MAGI2: variants seen among roughly 807,000 people sequenced by gnomAD.
MAGI2 encodes the protein membrane associated guanylate kinase, WW and PDZ domain containing 2.
Under a neutral mutation model 133.3 loss-of-function variants are expected in MAGI2, and 35 were observed. The ratio of observed to expected loss-of-function variants is 0.26; its 90% confidence interval spans 0.20 to 0.35. The LOEUF is 0.35. Ranked by LOEUF, MAGI2 falls within the 10% of genes least tolerant of loss-of-function variation. MAGI2 has a pLI of 1.00. For missense variants in MAGI2, 1,636 were observed against 1,863.4 expected, an observed-to-expected ratio of 0.88 and a Z score of 2.25; for synonymous variants, 729 against 710.6, an observed-to-expected ratio of 1.03 and a Z score of -0.41.
chr7:78,706,348 T>C (rs919198450), intron 2 of MAGI2, among the ~76,000 whole-genome samples: 5 of 151,620 alleles, frequency 3.3e-5, no homozygotes, highest in African/African-American at 9.7e-5. Context: ...CACCATCATA[T>C]AAGAAGTGCC....
chr7:79,320,716 T>G (rs544949056), intron 1 of MAGI2, among the ~76,000 whole-genome samples: 286 of 152,250 alleles, frequency 1.9e-3, no homozygotes, highest in African/African-American at 6.6e-3. Flanking sequence ...CTTTATTTAT[T>G]CTTTATTTTT....
At chr7:78,988,272 T>C (rs2116285173) in intron 2 of MAGI2, among the ~76,000 whole-genome samples, 1 of 152,172 alleles carries the variant, frequency 6.6e-6, no homozygotes, top group South Asian at 2.1e-4. Flanking sequence ...ACACATGATA[T>C]ATGTTGAGGT....
chr7:78,024,296 T>G (rs1397515025), intron 21 of MAGI2, among the ~76,000 whole-genome samples: 1 of 152,234 alleles, frequency 6.6e-6, no homozygotes, highest in Non-Finnish European at 1.5e-5. Flanking sequence ...GTTTTCATTA[T>G]TCATGTAGCT....
At chr7:78,733,429 T>TAG (rs1821558000) in intron 2 of MAGI2, among the ~76,000 whole-genome samples, 1 of 152,184 alleles carries the variant, frequency 6.6e-6, no homozygotes, top group East Asian at 1.9e-4. Flanking sequence ...ATATTTACAA[T>TAG]TGTGTGGACA....
At chr7:78,452,039 T>C (rs1362271831) in intron 6 of MAGI2, among the ~76,000 whole-genome samples, 1 of 152,082 alleles carries the variant, frequency 6.6e-6, no homozygotes, top group Non-Finnish European at 1.5e-5. Context: ...TGTAACAATA[T>C]CTTTGTAATA....
At chr7:79,311,947 T>C (rs1256809568) in intron 1 of MAGI2, among the ~76,000 whole-genome samples, 1 of 152,172 alleles carries the variant, frequency 6.6e-6, no homozygotes, top group Non-Finnish European at 1.5e-5. Flanking sequence ...AAAATTTGTA[T>C]ATCCAGAATA....
intron 3 of MAGI2, among the ~76,000 whole-genome samples, chr7:78,608,449 G>A (rs1806064957): frequency 2.7e-5 from 4 of 148,914 alleles, no homozygotes; most frequent in African/African-American, 1.0e-4. Context: ...ATATATATAT[G>A]TATATATATA....
At chr7:78,090,135 C>T (rs1297620070) in intron 20 of MAGI2, among the ~76,000 whole-genome samples, 1 of 152,172 alleles carries the variant, frequency 6.6e-6, no homozygotes, top group African/African-American at 2.4e-5. Flanking sequence ...AGGCTCTGCT[C>T]AAATCCTCCA....
chr7:79,301,655 C>T (rs1585488812), intron 1 of MAGI2, among the ~76,000 whole-genome samples: 1 of 152,138 alleles, frequency 6.6e-6, no homozygotes, highest in African/African-American at 2.4e-5. Flanking sequence ...CAAGCTAAGA[C>T]TTTGAGGAGC....
At chr7:78,271,545 G>T (rs1173519694) in intron 9 of MAGI2, among the ~76,000 whole-genome samples, 3 of 152,186 alleles carry the variant, frequency 2.0e-5, no homozygotes, top group Non-Finnish European at 4.4e-5. Flanking sequence ...GATCCTCTTT[G>T]TAGCTCTGGT....
At chr7:78,460,776 C>G (rs1345816048) in intron 6 of MAGI2, among the ~76,000 whole-genome samples, 1 of 152,198 alleles carries the variant, frequency 6.6e-6, no homozygotes, top group East Asian at 1.9e-4. Flanking sequence ...AACCTGCATA[C>G]TTTTTACAAA....
intron 2 of MAGI2, among the ~76,000 whole-genome samples, chr7:78,824,714 C>T (rs1355697502): frequency 6.6e-6 from 1 of 152,106 alleles, no homozygotes; most frequent in Non-Finnish European, 1.5e-5. Context: ...TTCTCCCATT[C>T]TGTAGGTTGC....
chr7:78,839,428 A>C (rs557873596), intron 2 of MAGI2, among the ~76,000 whole-genome samples: 1 of 152,100 alleles, frequency 6.6e-6, no homozygotes, highest in Admixed American at 6.6e-5. Context: ...CAAAATGGTC[A>C]AATAATTAAG....
intron 3 of MAGI2, among the ~76,000 whole-genome samples, chr7:78,535,872 A>C (rs1180524507): frequency 2.9e-4 from 34 of 118,088 alleles, no homozygotes; most frequent in African/African-American, 7.8e-4. Flanking sequence ...TCTTGTGTAC[A>C]CCCCCCCCGC....
chr7:79,369,229 A>G (rs1024491385), intron 1 of MAGI2, among the ~76,000 whole-genome samples: 7 of 152,202 alleles, frequency 4.6e-5, no homozygotes, highest in Non-Finnish European at 8.8e-5. Context: ...GTGAATAAAG[A>G]CAAGAGCATT....
At chr7:78,392,075 A>T (rs1795941836) in intron 6 of MAGI2, among the ~76,000 whole-genome samples, 1 of 152,174 alleles carries the variant, frequency 6.6e-6, no homozygotes, top group South Asian at 2.1e-4. Context: ...GCTAAATAAG[A>T]CAGAAGGGAT....
intron 2 of MAGI2, among the ~76,000 whole-genome samples, chr7:78,766,238 T>G (rs1825016394): frequency 6.6e-6 from 1 of 152,216 alleles, no homozygotes; most frequent in African/African-American, 2.4e-5. Flanking sequence ...TTTGAGTGGC[T>G]TCCAGAGTCA....
intron 1 of MAGI2, among the ~76,000 whole-genome samples, chr7:79,325,600 A>G (rs1839628633): frequency 6.6e-6 from 1 of 152,184 alleles, no homozygotes; most frequent in Non-Finnish European, 1.5e-5. Flanking sequence ...GCAGATCCAT[A>G]GAGCTTCATT....
intron 1 of MAGI2, among the ~76,000 whole-genome samples, chr7:79,015,372 A>T (rs1466952861): frequency 2.6e-5 from 4 of 151,982 alleles, no homozygotes; most frequent in Admixed American, 6.6e-5. Context: ...ACACTTAAAA[A>T]CTCTCCAATG....
Sources: allele counts gnomAD v4.1 joint callset (sites outside exome capture counted in the v4.1 genomes callset), GRCh38; gene constraint gnomAD v4.1.1; transcripts MANE v1.5; gene names NCBI Gene and HGNC (gene_info 2026-07-23, HGNC 2026-07-21).